Variants in PAPPA2 observed in about 807,000 individuals in gnomAD.
PAPPA2 encodes pappalysin-2.
A neutral mutation model predicts 176.4 loss-of-function variants in PAPPA2; 86 were observed. The observed-to-expected ratio is 0.49, with a 90% CI of 0.41 to 0.58. The LOEUF (loss-of-function observed/expected upper bound fraction) is 0.58, where lower values mean the gene tolerates loss of function less well. Ranked by LOEUF, PAPPA2 falls within the 20% of genes least tolerant of loss-of-function variation. The pLI, the probability that PAPPA2 is intolerant of heterozygous loss-of-function variation, is 0.00. For synonymous variants in PAPPA2, 809 were observed against 852.2 expected (o/e 0.95, Z 0.88); for missense variants, 2,073 against 2,256.9 (o/e 0.92, Z 1.65).
chr1:176,575,748 T>C (rs1436778307), intron 2 of PAPPA2, among the ~76,000 whole-genome samples: 2 of 152,238 alleles, frequency 1.3e-5, no homozygotes, highest in African/African-American at 4.8e-5. Context: ...GAGGTAGATA[T>C]ATCATTAGTT....
chr1:176,582,532 TA>T (rs1344422674), intron 2 of PAPPA2, among the ~76,000 whole-genome samples: 1 of 152,208 alleles, frequency 6.6e-6, no homozygotes, highest in South Asian at 2.1e-4. Flanking sequence ...TGAATTTTAT[TA>T]AATGCTTTTT....
chr1:176,820,035 T>C (rs547504043), intron 21 of PAPPA2, among the ~76,000 whole-genome samples: 4 of 152,102 alleles, frequency 2.6e-5, no homozygotes, highest in African/African-American at 9.7e-5. Flanking sequence ...CCACACTCCA[T>C]AGGGGGTACA....
chr1:176,706,484 C>T (rs952894258), intron 10 of PAPPA2, 34 bp downstream of exon 10: 10 of 1,574,000 alleles, frequency 6.4e-6, no homozygotes, highest in Non-Finnish European at 8.7e-6. Flanking sequence ...AGATTGTGTC[C>T]TACTTTTAGA....
At chr1:176,764,773 T>G (rs914130591) in intron 14 of PAPPA2, among the ~76,000 whole-genome samples, 3 of 152,132 alleles carry the variant, frequency 2.0e-5, no homozygotes, top group Admixed American at 6.5e-5. Flanking sequence ...ATTGTTTGTA[T>G]TTTTAGTAGA....
intron 5 of PAPPA2, 180 bp downstream of exon 5, chr1:176,690,610 A>G (rs1258848964): frequency 1.4e-6 from 2 of 1,404,658 alleles, no homozygotes; most frequent in South Asian, 1.8e-5. Flanking sequence ...ACTTGAAGAA[A>G]TACTGACATA....
At chr1:176,811,643 T>G (rs1666153924) in intron 21 of PAPPA2, among the ~76,000 whole-genome samples, 1 of 152,204 alleles carries the variant, frequency 6.6e-6, no homozygotes, top group Non-Finnish European at 1.5e-5. Context: ...GAAAATTTGC[T>G]TAAGTTGGAA....
Position 176,710,367 on chromosome 1 carries a change from T to C in PAPPA2, c.3651+191T>C, listed in dbSNP as rs143195312. Among the ~76,000 whole-genome samples, 3 of 152,282 alleles carry C rather than the reference T, an allele frequency of 2.0e-5. No individual in the cohort carries two copies. In the East Asian group the frequency reaches 5.8e-4, roughly 29 times the overall value. ...GATGTTGGACAAGTCACTTAACCTC[T>C]CTGGGCCCCAAGGTTCTCACCTGGA... On this transcript the variant is annotated intron_variant, in intron 11 of 22. Transcript: ENST00000367662.
chr1:176,790,405 A>G (rs920763515), intron 18 of PAPPA2, among the ~76,000 whole-genome samples: 6 of 152,226 alleles, frequency 3.9e-5, no homozygotes, highest in African/African-American at 1.4e-4. Flanking sequence ...GGATTTTGGC[A>G]CAAAAGGTCT....
At chr1:176,485,372 C>A (rs1289165118) in intron 1 of PAPPA2, among the ~76,000 whole-genome samples, 1 of 152,078 alleles carries the variant, frequency 6.6e-6, no homozygotes, top group Non-Finnish European at 1.5e-5. Flanking sequence ...GGACTTCTTG[C>A]TATTTCTCAA....
At chr1:176,836,466 A>G (rs1382048630) in intron 21 of PAPPA2, among the ~76,000 whole-genome samples, 3 of 152,342 alleles carry the variant, frequency 2.0e-5, no homozygotes, top group Admixed American at 1.3e-4. Flanking sequence ...AAACATCAGC[A>G]TGGTCTTGAG....
chr1:176,554,181 A>G (rs1558432179), intron 1 of PAPPA2, among the ~76,000 whole-genome samples: 1 of 152,166 alleles, frequency 6.6e-6, no homozygotes. Context: ...AATGCAAACA[A>G]GTCAGTTCTT....
At chr1:176,836,890 G>T (rs1667292230) in intron 21 of PAPPA2, 1 of 152,094 alleles carries the variant, frequency 6.6e-6, no homozygotes, top group Non-Finnish European at 1.5e-5. Flanking sequence ...ATTTATCTTT[G>T]TGACCCCATA....
At chr1:176,725,290 C>T (rs1291725760) in intron 12 of PAPPA2, among the ~76,000 whole-genome samples, 1 of 152,148 alleles carries the variant, frequency 6.6e-6, no homozygotes, top group Non-Finnish European at 1.5e-5. Flanking sequence ...GGCAGTGGGT[C>T]AGATTTGGCT....
At chr1:176,552,407 A>T (rs1573029505) in intron 1 of PAPPA2, among the ~76,000 whole-genome samples, 1 of 104,832 alleles carries the variant, frequency 9.5e-6, no homozygotes, top group Non-Finnish European at 1.8e-5. Flanking sequence ...TTCCCCCCTT[A>T]CCCCTGCCTG....
At chr1:176,769,532 C>T in intron 15 of PAPPA2, 75 bp from the exon 16 acceptor site, 1 of 1,457,670 alleles carries the variant, frequency 6.9e-7, no homozygotes, top group Non-Finnish European at 9.5e-7. Context: ...ATCACCAAGA[C>T]TCTTCTAAAG....
At chr1:176,540,797 C>G (rs1044414074) in intron 1 of PAPPA2, among the ~76,000 whole-genome samples, 1 of 152,196 alleles carries the variant, frequency 6.6e-6, no homozygotes, top group Non-Finnish European at 1.5e-5. Context: ...CAACACCCCC[C>G]AGCAGAGTGC....
intron 21 of PAPPA2, among the ~76,000 whole-genome samples, chr1:176,830,966 T>A (rs1025241806): frequency 1.3e-5 from 2 of 152,204 alleles, no homozygotes; most frequent in African/African-American, 4.8e-5. Flanking sequence ...AGCAAAGGAT[T>A]GGGAATCACT....
chr1:176,498,720 A>T (rs1647775149), intron 1 of PAPPA2, among the ~76,000 whole-genome samples: 2 of 150,402 alleles, frequency 1.3e-5, no homozygotes, highest in Non-Finnish European at 3.0e-5. Context: ...ATTGCACTCC[A>T]GCCTGGGCGA....
At chr1:176,522,679 C>A (rs1021868573) in intron 1 of PAPPA2, among the ~76,000 whole-genome samples, 2 of 152,230 alleles carry the variant, frequency 1.3e-5, no homozygotes, top group Non-Finnish European at 2.9e-5. Context: ...ACATAATAAA[C>A]CTGGGCTTCA....
Sources: allele counts gnomAD v4.1 joint callset (sites outside exome capture counted in the v4.1 genomes callset), GRCh38; gene constraint gnomAD v4.1.1; transcripts MANE v1.5; gene names NCBI Gene and HGNC (gene_info 2026-07-23, HGNC 2026-07-21).